The following VMA21 variants were observed in gnomAD, a reference collection of about 807,000 sequenced individuals.
The protein encoded by VMA21 is vacuolar ATPase assembly integral membrane protein VMA21.
For missense variants in VMA21, 61 were observed against 80.6 expected (o/e 0.76, Z 0.93); for synonymous variants, 47 against 34.1 (o/e 1.38, Z -1.32).
intron 1 of VMA21, among the ~76,000 whole-genome samples, chrX:151,402,838 C>G (rs1243162983): frequency 1.8e-5 from 2 of 109,887 alleles, no homozygotes; most frequent in Non-Finnish European, 1.9e-5. Flanking sequence ...GCTGGTGCGT[C>G]GGCTCCACCT....
chrX:151,400,645 A>C (rs767820579), intron 1 of VMA21, among the ~76,000 whole-genome samples: 135 of 112,382 alleles, frequency 1.2e-3, no homozygotes, highest in Non-Finnish European at 2.0e-3. Flanking sequence ...TGGCTGTACC[A>C]GTCTACATTT....
intron 2 of VMA21, among the ~76,000 whole-genome samples, chrX:151,404,158 C>G (rs1173690042): frequency 2.7e-5 from 3 of 109,636 alleles, no homozygotes; most frequent in African/African-American, 1.0e-4. Flanking sequence ...ACCGCAACCC[C>G]CGCCTCCCAT....
At chrX:151,403,766 A>G (rs747558418) in intron 2 of VMA21, 26 bp downstream of exon 2, 9 of 1,076,633 alleles carry the variant, frequency 8.4e-6, no homozygotes, top group Middle Eastern at 2.5e-4. Flanking sequence ...TTAAAACAAG[A>G]TGTTTTCCCC....
At chrX:151,398,424 C>T (rs751836978) in intron 1 of VMA21, among the ~76,000 whole-genome samples, 3 of 109,751 alleles carry the variant, frequency 2.7e-5, no homozygotes, top group Non-Finnish European at 5.7e-5. Context: ...GTTTAGTTCC[C>T]ACTTATGAGA....
intron 1 of VMA21, among the ~76,000 whole-genome samples, chrX:151,400,109 T>C (rs1336182746): frequency 9.0e-6 from 1 of 111,067 alleles, no homozygotes; most frequent in Non-Finnish European, 1.9e-5. Flanking sequence ...CCTATAGTCC[T>C]CTTGTACATT....
intron 1 of VMA21, among the ~76,000 whole-genome samples, chrX:151,403,244 C>T (rs950471374): frequency 2.7e-5 from 3 of 112,578 alleles, no homozygotes; most frequent in African/African-American, 9.7e-5. Flanking sequence ...CTGGTGGACA[C>T]GGTTGCCGCA....
rs1397841494 is a variant in VMA21, at chrX:151,406,363, TC to T, written c.*1306del. 1 of 111,441 alleles carries T rather than the reference TC, an allele frequency of 9.0e-6. No individual in the cohort carries two copies. The highest frequency in any genetic ancestry group is 3.3e-5 in the African/African-American group (1 of 30,666). The allele number at this position is 111,441 out of a possible 1,213,427, so 9.2% of individuals were successfully genotyped here. ...GAGTGATTATTGGCCATTTTCTTTT[TC>T]TTTTTCTTTATTTTATTTATTTATT... On this transcript the variant is annotated 3_prime_UTR_variant, in exon 3 of 3. Coordinates refer to ENST00000330374, the MANE Select transcript of VMA21 (RefSeq NM_001017980.4).
Position 151,397,266 on chromosome X carries a change from G to C in VMA21, c.-43G>C. On this transcript the variant is annotated 5_prime_UTR_variant, in exon 1 of 3. Coordinates refer to ENST00000330374, the MANE Select transcript of VMA21 (RefSeq NM_001017980.4). ...GGAGCTTACTGAGCGCGGCCGCCGA[G>C]CCCAGCTCCGCCGCCGAGCGCCTGT... 1.7e-6 allele frequency: 2 copies of C among 1,149,442 alleles called. No homozygotes were observed. Among genetic ancestry groups the C allele is most frequent in the East Asian group, 3.3e-5 (1 of 30,371 alleles). 94.7% of individuals were successfully genotyped at this position (1,149,442 alleles called of 1,213,427 possible).
upstream of VMA21, chrX:151,396,872 C>A: frequency 1.9e-6 from 1 of 524,115 alleles, no homozygotes; most frequent in Non-Finnish European, 3.5e-6. Context: ...CCCAGCTCAG[C>A]GACCGAGACG....
intron 1 of VMA21, among the ~76,000 whole-genome samples, chrX:151,398,062 G>A (rs1328047888): frequency 1.8e-5 from 2 of 110,633 alleles, no homozygotes; most frequent in Non-Finnish European, 3.8e-5. Flanking sequence ...AGTGATTACA[G>A]AATTAGGCGA....
rs2011296990 is a variant in VMA21 at position 151,406,724 on chromosome X, T to C, written c.*1666T>C. ...ATAAGCACATTCTATCTTTATTCTC[T>C]TAAAATTCAAATTTTCTGTTACTGA... On this transcript the variant is annotated 3_prime_UTR_variant, in exon 3 of 3. Transcript: ENST00000330374. The C allele has an allele frequency of 8.9e-6, 1 of 112,023 alleles. No homozygotes were observed. The highest frequency in any genetic ancestry group is 1.9e-5 in the Non-Finnish European group (1 of 53,218). The allele number at this position is 112,023 out of a possible 1,213,427, so 9.2% of individuals were successfully genotyped here.
chrX:151,401,319 G>A (rs1223305063), intron 1 of VMA21, among the ~76,000 whole-genome samples: 2 of 111,559 alleles, frequency 1.8e-5, no homozygotes, highest in African/African-American at 3.3e-5. Flanking sequence ...CACCCCTGTC[G>A]AAGATTAGTT....
intron 1 of VMA21, among the ~76,000 whole-genome samples, chrX:151,399,280 T>C (rs981042768): frequency 1.8e-5 from 2 of 111,973 alleles, no homozygotes; most frequent in Non-Finnish European, 3.8e-5. Flanking sequence ...AATTAATATG[T>C]AGAAAGGTTA....
intron 2 of VMA21, among the ~76,000 whole-genome samples, chrX:151,404,071 T>C (rs2011261117): frequency 1.5e-5 from 1 of 67,977 alleles, no homozygotes; most frequent in Non-Finnish European, 2.4e-5. Flanking sequence ...CTTTTTGATG[T>C]TGAAATTTTT....
Position 151,400,748 on chromosome X carries a change from T to C in VMA21, c.54-2883T>C, listed in dbSNP as rs779922514. Among the ~76,000 whole-genome samples the C allele has an allele frequency of 2.7e-5, 3 of 112,487 alleles. No homozygotes were observed. In the Admixed American group the frequency reaches 2.8e-4, roughly 11 times the overall value. ...TTGATAATAGCTGTCCTTAGAAGTG[T>C]GAGGTTATATCTCATAGTGGTTTTG... is the stretch of plus-strand genomic sequence containing the variant. On this transcript the variant is annotated intron_variant, in intron 1 of 2. Coordinates refer to ENST00000330374, the MANE Select transcript of VMA21 (RefSeq NM_001017980.4).
chrX:151,397,277 C>T lies in VMA21; in HGVS notation c.-32C>T, dbSNP rs772787977. Reference sequence around the variant, plus strand: ...AGCGCGGCCGCCGAGCCCAGCTCCGCCGCCGAGCGCCTGTGCCGGCACGGC... The same window carrying T: ...AGCGCGGCCGCCGAGCCCAGCTCCGTCGCCGAGCGCCTGTGCCGGCACGGC... On this transcript the variant is annotated 5_prime_UTR_variant, in exon 1 of 3. Transcript: ENST00000330374. 5 of 1,152,372 alleles carry T rather than the reference C, an allele frequency of 4.3e-6. No homozygotes were observed. The South Asian group carries it at 5.8e-5, about 13-fold the overall frequency. The allele number at this position is 1,152,372 out of a possible 1,213,427, so 95.0% of individuals were successfully genotyped here.
chrX:151,397,409 G>C, intron 1 of VMA21, 48 bp downstream of exon 1: 1 of 1,144,113 alleles, frequency 8.7e-7, no homozygotes, highest in Non-Finnish European at 1.2e-6. Context: ...GCCCCAGCCT[G>C]GAGCAGGGCT....
At chrX:151,404,059 C>A (rs1321563170) in intron 2 of VMA21, among the ~76,000 whole-genome samples, 1 of 93,334 alleles carries the variant, frequency 1.1e-5, no homozygotes. Flanking sequence ...GAATGAAGTC[C>A]CCTTTTTGAT....
intron 2 of VMA21, among the ~76,000 whole-genome samples, chrX:151,404,264 G>A (rs1040111215): frequency 8.9e-6 from 1 of 111,807 alleles, no homozygotes; most frequent in Non-Finnish European, 1.9e-5. Flanking sequence ...TAGTAGAGAC[G>A]GGGTTTCGCC....
Sources: allele counts gnomAD v4.1 joint callset (sites outside exome capture counted in the v4.1 genomes callset), GRCh38; gene constraint gnomAD v4.1.1; transcripts MANE v1.5; gene names NCBI Gene and HGNC (gene_info 2026-07-23, HGNC 2026-07-21).